The following UBTF variants were observed in gnomAD, a reference collection of about 807,000 sequenced individuals.
UBTF encodes the protein upstream binding transcription factor.
UBTF carries 8 observed loss-of-function variants against 112.3 expected under a neutral mutation model. The observed-to-expected ratio is 0.07, with a 90% CI of 0.04 to 0.13. UBTF has a LOEUF of 0.13. Ranked by LOEUF, UBTF falls within the 10% of genes least tolerant of loss-of-function variation. The probability of loss-of-function intolerance (pLI) is 1.00; values close to 1 mark genes in which losing one functional copy is unlikely to be tolerated. For synonymous variants in UBTF, 417 were observed against 373.1 expected (o/e 1.12, Z -1.36); for missense variants, 457 against 982.1 (o/e 0.47, Z 7.15).
chr17:44,209,838 A>T, intron 15 of UBTF, 105 bp from the exon 16 acceptor site: 1 of 1,229,342 alleles, frequency 8.1e-7, no homozygotes, highest in South Asian at 1.3e-5. Flanking sequence ...TTTCTGTGCC[A>T]GGGAGGAGGA....
intron 17 of UBTF, 52 bp downstream of exon 17, chr17:44,209,300 T>C (rs1598222749): frequency 6.5e-7 from 1 of 1,532,240 alleles, no homozygotes; most frequent in African/African-American, 1.4e-5. Context: ...AGGATGGTGC[T>C]GGCTTAGTCT....
rs1226704436 is a variant in UBTF at position 44,205,845 on chromosome 17, A to G, written c.*1397T>C. 2 of 152,238 alleles carry G rather than the reference A, an allele frequency of 1.3e-5. No homozygotes were observed. The highest frequency in any genetic ancestry group is 4.8e-5 in the African/African-American group (2 of 41,460). 9.4% of individuals were successfully genotyped at this position (152,238 alleles called of 1,614,324 possible). A position where few individuals can be genotyped will look rare whatever the true frequency, so the allele number is the denominator to read the frequency against. ...AAGGTGGCTTGGCTTATTAAGAGTC[A>G]AGGAATCAAGGTACCAAAAAATACG... is the stretch of plus-strand genomic sequence containing the variant. On this transcript the variant is annotated 3_prime_UTR_variant, in exon 21 of 21. Coordinates refer to ENST00000436088, the MANE Select transcript of UBTF (RefSeq NM_014233.4).
intron 7 of UBTF, 134 bp downstream of exon 7, chr17:44,212,685 C>G (rs2056768975): frequency 6.8e-7 from 1 of 1,480,622 alleles, no homozygotes; most frequent in Non-Finnish European, 9.2e-7. Flanking sequence ...TGGCCCGGGC[C>G]CTGTCCATGC....
At chr17:44,209,052 C>G in intron 17 of UBTF, 3 of 333,632 alleles carry the variant, frequency 9.0e-6, no homozygotes, top group South Asian at 5.6e-5. Flanking sequence ...GTCTGTAGCC[C>G]CAGCTACTCT....
rs776106868 is a variant in UBTF at position 44,207,143 on chromosome 17, AG to A, written c.*98del. ...AGAAAGAAAGAAAGTGGGGGAGGCC[AG>A]GGGGGCAAGGGACAGAACATGGGGG... On this transcript the variant is annotated 3_prime_UTR_variant, in exon 21 of 21. Transcript: ENST00000436088. 1.9e-5 allele frequency: 24 copies of A among 1,238,090 alleles called. No individual in the cohort carries two copies. The highest frequency in any genetic ancestry group is 2.4e-5 in the Non-Finnish European group (21 of 884,956). The allele number at this position is 1,238,090 out of a possible 1,614,324, so 76.7% of individuals were successfully genotyped here.
intron 5 of UBTF, among the ~76,000 whole-genome samples, chr17:44,213,837 C>A (rs909092070): frequency 6.6e-6 from 1 of 152,176 alleles, no homozygotes; most frequent in East Asian, 1.9e-4. Flanking sequence ...GCCAGCTACC[C>A]TGCATCTTCC....
Position 44,206,500 on chromosome 17 carries a change from C to T in UBTF, c.*742G>A, listed in dbSNP as rs1014537212. On this transcript the variant is annotated 3_prime_UTR_variant, in exon 21 of 21. Coordinates refer to ENST00000436088, the MANE Select transcript of UBTF (RefSeq NM_014233.4). The stretch of plus-strand genomic sequence containing the variant: ...ACAGGAACACACATACACATACTCT[C>T]TTCCACATACATCAAGACCATTTTT... 1 of 151,480 alleles carries T rather than the reference C, an allele frequency of 6.6e-6. No homozygotes were observed. The highest frequency in any genetic ancestry group is 2.4e-5 in the African/African-American group (1 of 40,844). The allele number at this position is 151,480 out of a possible 1,614,324, so 9.4% of individuals were successfully genotyped here.
Position 44,212,577 on chromosome 17 carries a change from C to A in UBTF, c.661-123G>T, listed in dbSNP as rs547284850. 5 of 1,044,782 alleles carry A rather than the reference C, an allele frequency of 4.8e-6. No individual in the cohort carries two copies. The Admixed American group carries it at 9.9e-5, about 21-fold the overall frequency. 64.7% of individuals were successfully genotyped at this position (1,044,782 alleles called of 1,614,324 possible). On this transcript the variant is annotated intron_variant, in intron 7 of 20. Transcript: ENST00000436088. The stretch of plus-strand genomic sequence containing the variant: ...TGGGAGGTCACATCAGTGTCCCCCA[C>A]AGGCCAGGAGGGGAAGGCGGAGAGG...
At chr17:44,212,114 G>T in intron 8 of UBTF, 108 bp from the exon 9 acceptor site, 1 of 1,226,446 alleles carries the variant, frequency 8.2e-7, no homozygotes, top group Non-Finnish European at 1.1e-6. Context: ...AGCTGGGGGT[G>T]GCTGCGCGTC....
At chr17:44,213,993 T>C (rs1287216546) in intron 5 of UBTF, among the ~76,000 whole-genome samples, 2 of 150,378 alleles carry the variant, frequency 1.3e-5, no homozygotes, top group Non-Finnish European at 3.0e-5. Flanking sequence ...GCCTCCCCAC[T>C]CTCACCTCAC....
At position 44,216,723 on chromosome 17, in the gene UBTF, G is replaced by A. The variant is rs1389968154; in HGVS notation, c.59-19C>T. 4 of 1,613,518 alleles carry A rather than the reference G, an allele frequency of 2.5e-6. No individual in the cohort carries two copies. The East Asian group carries it at 8.9e-5, about 36-fold the overall frequency. On this transcript the variant is annotated intron_variant, in intron 2 of 20. Coordinates refer to ENST00000436088, the MANE Select transcript of UBTF (RefSeq NM_014233.4). ...CAACGGTCTGGTAAAGAGTAACAGA[G>A]GCCATCATGCCTGGCTCATGCTATC...
At chr17:44,218,827 C>A (rs1598273624) in intron 1 of UBTF, among the ~76,000 whole-genome samples, 1 of 150,594 alleles carries the variant, frequency 6.6e-6, no homozygotes, top group South Asian at 2.1e-4. Flanking sequence ...AGCGGAGCGG[C>A]CGCACCGCCC....
chr17:44,208,037 T>A (rs1001862885), intron 17 of UBTF, 126 bp from the exon 18 acceptor site: 1 of 1,201,346 alleles, frequency 8.3e-7, no homozygotes, highest in African/African-American at 1.5e-5. Context: ...CCTCCCAGGC[T>A]CCCTAGATTT....
intron 3 of UBTF, 152 bp from the exon 4 acceptor site, chr17:44,216,141 G>T: frequency 1.5e-6 from 1 of 687,024 alleles, no homozygotes; most frequent in Non-Finnish European, 2.5e-6. Flanking sequence ...GAAGCAGGCA[G>T]CATGACACCC....
upstream of UBTF, chr17:44,220,913 C>A: frequency 6.7e-6 from 1 of 149,404 alleles, no homozygotes; most frequent in South Asian, 1.8e-4. Context: ...CTCCGCCCGC[C>A]CCGCTCCGCC....
chr17:44,208,915 T>C (rs1598220032), intron 17 of UBTF: 1 of 359,754 alleles, frequency 2.8e-6, no homozygotes, highest in Non-Finnish European at 5.5e-6. Context: ...CTGCGGACGG[T>C]GGCTCAAGCC....
In UBTF at chr17:44,211,160, G is replaced by A; in HGVS notation, c.1090-8C>T. On this transcript the variant is annotated splice_polypyrimidine_tract_variant and splice_region_variant and intron_variant, in intron 11 of 20. Coordinates refer to ENST00000436088, the MANE Select transcript of UBTF (RefSeq NM_014233.4). The surrounding 1 kb of genome is among the most constrained non-coding windows in gnomAD (Gnocchi z 4.9). ...CTCCTCCTCAGGCAGGCTCTGGACA[G>A]GAAAGAGGAGCACGGGGCTGCATGC... 1.9e-6 allele frequency: 3 copies of A among 1,613,092 alleles called. No individual in the cohort carries two copies. The highest frequency in any genetic ancestry group is 1.1e-5 in the South Asian group (1 of 91,078).
At chr17:44,209,612 A>AC (rs1231522702) in intron 16 of UBTF, 33 bp downstream of exon 16, 2 of 1,613,822 alleles carry the variant, frequency 1.2e-6, no homozygotes, top group Non-Finnish European at 8.5e-7. Flanking sequence ...ACCCTCCCCG[A>AC]CCTCCAGGGC....
chr17:44,210,009 G>A, intron 15 of UBTF, 115 bp downstream of exon 15: 3 of 1,090,878 alleles, frequency 2.8e-6, no homozygotes, highest in African/African-American at 1.6e-5. Context: ...AGAGAAGGAA[G>A]CTGAGACTTG....
Sources: gnomAD v4.1 joint callset for allele counts (sites outside exome capture counted in the v4.1 genomes callset) on GRCh38, gnomAD v4.1.1 for gene constraint, Gnocchi (gnomAD v3.1) non-coding constraint, MANE v1.5 for transcripts, NCBI Gene and HGNC (gene_info 2026-07-23, HGNC 2026-07-21) for gene names.